ATRNL1: variants seen among roughly 807,000 people sequenced by gnomAD.
ATRNL1 encodes the protein attractin-like protein 1.
ATRNL1 carries 95 observed loss-of-function variants against 182.7 expected under a neutral mutation model. The ratio of observed to expected loss-of-function variants is 0.52; its 90% CI spans 0.44 to 0.62. ATRNL1 has a LOEUF of 0.62. Among genes scored for constraint, ATRNL1 ranks in the 20% least tolerant of loss-of-function variants. The probability of loss-of-function intolerance (pLI) is 0.00; values close to 1 mark genes in which losing one functional copy is unlikely to be tolerated. For synonymous variants in ATRNL1, 576 were observed against 568.3 expected (o/e 1.01, Z -0.19); for missense variants, 1,471 against 1,679.5 (o/e 0.88, Z 2.17).
chr10:115,265,299 T>A lies in ATRNL1; in HGVS notation c.1772+22T>A, dbSNP rs1554910229. The A allele has an allele frequency of 2.7e-6, 4 of 1,471,210 alleles. No homozygotes were observed. The Admixed American group carries it at 7.2e-5, about 26-fold the overall frequency. The allele number at this position is 1,471,210 out of a possible 1,614,324, so 91.1% of individuals were successfully genotyped here. ...ACGGGTAAAAGAAGCACATTTCCAATTTTTAGAGGGTCACTTATATCAGTC... is the reference window on the plus strand; with the variant it reads ...ACGGGTAAAAGAAGCACATTTCCAAATTTTAGAGGGTCACTTATATCAGTC... On this transcript the variant is annotated intron_variant, in intron 11 of 28. Transcript: ENST00000355044.
At chr10:115,832,540 C>T (rs1296884385) in intron 27 of ATRNL1, among the ~76,000 whole-genome samples, 3 of 152,164 alleles carry the variant, frequency 2.0e-5, no homozygotes, top group East Asian at 1.9e-4. Flanking sequence ...ACAACGTATG[C>T]GTCTGTCTGT....
chr10:115,104,866 T>C (rs1843931597), intron 1 of ATRNL1, among the ~76,000 whole-genome samples: 1 of 152,128 alleles, frequency 6.6e-6, no homozygotes, highest in Admixed American at 6.5e-5. Flanking sequence ...AGTATGGATT[T>C]ATTCTGGGTT....
At chr10:115,116,751 C>T (rs1554870076) in intron 1 of ATRNL1, among the ~76,000 whole-genome samples, 1 of 152,042 alleles carries the variant, frequency 6.6e-6, no homozygotes, top group Admixed American at 6.6e-5. Flanking sequence ...TCCTCCCATG[C>T]TTCCAGTGGA....
intron 26 of ATRNL1, among the ~76,000 whole-genome samples, chr10:115,663,483 T>G (rs1212223864): frequency 6.6e-6 from 1 of 152,076 alleles, no homozygotes; most frequent in Admixed American, 6.6e-5. Flanking sequence ...GGAATTATGA[T>G]TTACAAGCAT....
intron 26 of ATRNL1, among the ~76,000 whole-genome samples, chr10:115,555,670 C>A (rs1853271722): frequency 6.6e-6 from 1 of 151,788 alleles, no homozygotes; most frequent in Admixed American, 6.6e-5. Flanking sequence ...ATCTTAAAAT[C>A]TATATTATTA....
chr10:115,386,022 T>A (rs1858327649), intron 19 of ATRNL1, among the ~76,000 whole-genome samples: 1 of 152,170 alleles, frequency 6.6e-6, no homozygotes, highest in South Asian at 2.1e-4. Flanking sequence ...CTTTTTTAAA[T>A]GCTTTTTTTT....
Position 115,628,278 on chromosome 10 carries a change from T to C in ATRNL1, c.3795+78742T>C, listed in dbSNP as rs74727976. 9.1e-3 allele frequency among the ~76,000 whole-genome samples: 1,385 copies of C among 152,296 alleles called. 16 individuals carry two copies. The highest frequency in any genetic ancestry group is 0.03 in the African/African-American group (1,266 of 41,568). On this transcript the variant is annotated intron_variant, in intron 26 of 28. Transcript: ENST00000355044. Reference sequence around the variant, plus strand: ...TTTGATTTTTAAAATTATACAGCTATTCTCATGGGTGTGAGGGCGTATCTC... The same window carrying C: ...TTTGATTTTTAAAATTATACAGCTACTCTCATGGGTGTGAGGGCGTATCTC...
intron 19 of ATRNL1, among the ~76,000 whole-genome samples, chr10:115,369,458 G>T (rs1554947326): frequency 6.6e-6 from 1 of 152,148 alleles, no homozygotes; most frequent in African/African-American, 2.4e-5. Context: ...TCACTTTTGT[G>T]TAGTATTCAT....
chr10:115,174,357 A>G (rs1466348490), intron 8 of ATRNL1, among the ~76,000 whole-genome samples: 1 of 151,816 alleles, frequency 6.6e-6, no homozygotes, highest in African/African-American at 2.4e-5. Context: ...TCCTTGAAAC[A>G]CAGGTTTTGA....
intron 21 of ATRNL1, among the ~76,000 whole-genome samples, chr10:115,449,992 G>A (rs936226243): frequency 1.3e-5 from 2 of 152,112 alleles, no homozygotes; most frequent in African/African-American, 4.8e-5. Context: ...ATGCAAGATT[G>A]GTTTGACACA....
chr10:115,688,566 C>T (rs973898067), intron 26 of ATRNL1, among the ~76,000 whole-genome samples: 8 of 152,002 alleles, frequency 5.3e-5, no homozygotes, highest in Admixed American at 2.0e-4. Context: ...TGATTAGTGA[C>T]GTTGGGGCAT....
chr10:115,094,544 C>T (rs531670405), intron 1 of ATRNL1, among the ~76,000 whole-genome samples: 22 of 152,176 alleles, frequency 1.4e-4, no homozygotes, highest in Non-Finnish European at 2.9e-4. Context: ...ATTTAGTCAT[C>T]ATAGTGATGT....
At chr10:115,547,588 G>T (rs1852741068) in intron 25 of ATRNL1, among the ~76,000 whole-genome samples, 1 of 152,080 alleles carries the variant, frequency 6.6e-6, no homozygotes, top group South Asian at 2.1e-4. Flanking sequence ...GAGCACAATT[G>T]CATGAAGTGA....
intron 5 of ATRNL1, among the ~76,000 whole-genome samples, chr10:115,136,013 C>T (rs1845496193): frequency 6.7e-6 from 1 of 150,022 alleles, no homozygotes; most frequent in Non-Finnish European, 1.5e-5. Context: ...TTGCACACCA[C>T]CATTCCCAGC....
At chr10:115,894,247 T>C (rs1216087634) in intron 28 of ATRNL1, among the ~76,000 whole-genome samples, 1 of 152,190 alleles carries the variant, frequency 6.6e-6, no homozygotes, top group Non-Finnish European at 1.5e-5. Context: ...GTTTCTTTTC[T>C]TTATAGGACA....
intron 9 of ATRNL1, among the ~76,000 whole-genome samples, chr10:115,226,376 TTTA>T (rs1472657987): frequency 6.6e-6 from 1 of 151,978 alleles, no homozygotes; most frequent in Non-Finnish European, 1.5e-5. Flanking sequence ...TTTGAGTAGT[TTTA>T]TTAGTAAAAG....
chr10:115,115,549 T>A (rs1554869673), intron 1 of ATRNL1, among the ~76,000 whole-genome samples: 2 of 151,942 alleles, frequency 1.3e-5, no homozygotes, highest in African/African-American at 4.8e-5. Context: ...AAAGATGAAA[T>A]GAAAATAAAA....
chr10:115,326,554 T>G (rs28784884), intron 18 of ATRNL1, among the ~76,000 whole-genome samples: 5,534 of 151,582 alleles, frequency 0.037, 303 homozygotes, highest in African/African-American at 0.13. Flanking sequence ...AGCTACCAAT[T>G]ACTTTCTTCA....
chr10:115,561,194 A>G (rs1262840542), intron 26 of ATRNL1, among the ~76,000 whole-genome samples: 1 of 152,216 alleles, frequency 6.6e-6, no homozygotes, highest in Non-Finnish European at 1.5e-5. Context: ...CCATGAAGAA[A>G]ATGAAAATAC....
Sources: allele counts gnomAD v4.1 joint callset (sites outside exome capture counted in the v4.1 genomes callset), GRCh38; gene constraint gnomAD v4.1.1; transcripts MANE v1.5; gene names NCBI Gene and HGNC (gene_info 2026-07-23, HGNC 2026-07-21).